LRRN3: variants seen among roughly 807,000 people sequenced by gnomAD.
The protein encoded by LRRN3 is leucine-rich repeat neuronal protein 3.
In LRRN3, 15 loss-of-function variants were observed where a neutral mutation model predicts 40.1. The ratio of observed to expected loss-of-function variants is 0.37; its 90% CI spans 0.25 to 0.58. The LOEUF (loss-of-function observed/expected upper bound fraction) is 0.58. LRRN3 is among the 20% of genes least tolerant of loss of function. The pLI is 0.72. For missense variants in LRRN3, 746 were observed against 837.7 expected (o/e 0.89, Z 1.35); for synonymous variants, 308 against 297.2 (o/e 1.04, Z -0.37).
chr7:111,091,245 G>A lies in LRRN3; in HGVS notation c.-700G>A, dbSNP rs928431602. The A allele has an allele frequency of 3.9e-5, 6 of 152,310 alleles. No homozygotes were observed. Among genetic ancestry groups the A allele is most frequent in the African/African-American group, 1.4e-4 (6 of 41,572 alleles). The allele number at this position is 152,310 out of a possible 1,614,324, so 9.4% of individuals were successfully genotyped here. Reference sequence around the variant, plus strand: ...GATTGAGAGCCTCAGCCTGCCGACTGAGAAAAAGAGTTCCAGGAAAAAGAA... The same window carrying A: ...GATTGAGAGCCTCAGCCTGCCGACTAAGAAAAAGAGTTCCAGGAAAAAGAA... On this transcript the variant is annotated 5_prime_UTR_variant, in exon 1 of 3. Transcript: ENST00000308478.
At chr7:111,094,582 A>G (rs971771716) in intron 1 of LRRN3, among the ~76,000 whole-genome samples, 2 of 152,144 alleles carry the variant, frequency 1.3e-5, no homozygotes, top group Non-Finnish European at 2.9e-5. Flanking sequence ...ACATCAGTAC[A>G]TCTTGTCAGT....
chr7:111,108,822 A>T (rs1028632391), intron 2 of LRRN3, among the ~76,000 whole-genome samples: 7 of 152,126 alleles, frequency 4.6e-5, no homozygotes, highest in South Asian at 2.1e-4. Context: ...CGTACAGCAA[A>T]TTTTTTTAAA....
At position 111,124,301 on chromosome 7, in the gene LRRN3, T is replaced by A; in HGVS notation, c.1529T>A (p.Met510Lys). ...GTTGGCGCTGACTTGAAGTCTGTTA[T>A]GATCAAAGTGGATGGATCTTTTCCA... ...NLVGADLKSV[M>K]IKVDGSFPQD... is the part of the protein sequence containing the mutation. The change falls in exon 3 of 3, where the codon ATG becomes AAG. Residue 510 changes from methionine (M) to lysine (K), a missense_variant. Physicochemically the swap from Met to Lys is moderately conservative, Grantham distance 95 (BLOSUM62 -1). Coordinates refer to ENST00000308478, the MANE Select transcript of LRRN3 (RefSeq NM_001099658.2). 6.2e-7 allele frequency: 1 copy of A among 1,613,950 alleles called. No homozygotes were observed. The highest frequency in any genetic ancestry group is 8.5e-7 in the Non-Finnish European group (1 of 1,179,930).
chr7:111,106,361 T>C (rs1024832801), intron 2 of LRRN3, among the ~76,000 whole-genome samples: 5 of 151,952 alleles, frequency 3.3e-5, no homozygotes, highest in African/African-American at 1.2e-4. Context: ...AAGGTCAACT[T>C]TTTTGAAGGA....
At chr7:111,103,426 AT>A (rs754104653) in intron 2 of LRRN3, among the ~76,000 whole-genome samples, 2 of 151,644 alleles carry the variant, frequency 1.3e-5, no homozygotes, top group Admixed American at 6.6e-5. Flanking sequence ...CTTTCCAAGG[AT>A]TTTTTCTTCT....
intron 2 of LRRN3, among the ~76,000 whole-genome samples, chr7:111,106,269 T>C (rs190791599): frequency 2.0e-5 from 3 of 152,036 alleles, no homozygotes; most frequent in East Asian, 1.9e-4. Context: ...TGTGGAACAA[T>C]TGAAGCACAA....
At chr7:111,093,657 G>A (rs1438749305) in intron 1 of LRRN3, among the ~76,000 whole-genome samples, 1 of 152,136 alleles carries the variant, frequency 6.6e-6, no homozygotes, top group African/African-American at 2.4e-5. Flanking sequence ...ACAGAGATCA[G>A]TAATGTGCCC....
At chr7:111,111,289 G>A in intron 2 of LRRN3, among the ~76,000 whole-genome samples, 1 of 142,610 alleles carries the variant, frequency 7.0e-6, no homozygotes, top group Non-Finnish European at 1.5e-5. Context: ...CTCTTCATGG[G>A]TAGCAGTTGT....
At chr7:111,108,148 A>T (rs1463631997) in intron 2 of LRRN3, among the ~76,000 whole-genome samples, 1 of 148,522 alleles carries the variant, frequency 6.7e-6, no homozygotes, top group Non-Finnish European at 1.5e-5. Context: ...GGAGACAAAA[A>T]CCTCACAGAT....
chr7:111,109,700 G>T (rs550415912), intron 2 of LRRN3, among the ~76,000 whole-genome samples: 117 of 152,208 alleles, frequency 7.7e-4, no homozygotes, highest in African/African-American at 2.6e-3. Context: ...GATTATTAGG[G>T]GAATCAGATA....
Position 111,091,330 on chromosome 7 carries a change from C to A in LRRN3, c.-615C>A, listed in dbSNP as rs777156878. On this transcript the variant is annotated 5_prime_UTR_variant, in exon 1 of 3. Transcript: ENST00000308478. ...ATTTTAAAATAGAGAGATAAGATTG[C>A]GTGCATGTGTGCATATCTATAGTAT... The A allele has an allele frequency of 6.6e-6, 1 of 152,100 alleles. No homozygotes were observed. The highest frequency in any genetic ancestry group is 2.4e-5 in the African/African-American group (1 of 41,428). The allele number at this position is 152,100 out of a possible 1,614,324, so 9.4% of individuals were successfully genotyped here.
intron 2 of LRRN3, among the ~76,000 whole-genome samples, chr7:111,111,299 TAAAAAAA>T (rs751990466): frequency 2.2e-5 from 2 of 92,282 alleles, no homozygotes; most frequent in East Asian, 2.9e-4. Context: ...GTAGCAGTTG[TAAAAAAA>T]AAAAAAAAAA....
chr7:111,105,175 G>A (rs1798408727), intron 2 of LRRN3, among the ~76,000 whole-genome samples: 1 of 151,758 alleles, frequency 6.6e-6, no homozygotes, highest in African/African-American at 2.4e-5. Context: ...CCTTTGAAGT[G>A]CCCTTTAAAA....
rs1203219913 is a variant in LRRN3, at chr7:111,123,818, TG to T, written c.1047del (p.Tyr350ThrfsTer30). On this transcript the variant is annotated frameshift_variant, in exon 3 of 3. Coordinates refer to ENST00000308478, the MANE Select transcript of LRRN3 (RefSeq NM_001099658.2). LOFTEE classifies it high-confidence loss of function. This position sits in a 1 kb window ranked among gnomAD's most constrained non-coding sequence, Gnocchi z 6.4. ...CTGAACAGCAATGCTCTCAGTGCCC[TG>T]TACCATGGTACCATTGAGTCTCTGC... Reference protein sequence around the residue: ...LMLNSNALSALYHGTIESLPN... With the variant: ...LMLNSNALSAXYHGTIESLPN... 1 of 1,613,916 alleles carries T rather than the reference TG, an allele frequency of 6.2e-7. No homozygotes were observed. Among genetic ancestry groups the T allele is most frequent in the Non-Finnish European group, 8.5e-7 (1 of 1,179,970 alleles).
intron 2 of LRRN3, among the ~76,000 whole-genome samples, chr7:111,103,249 T>C (rs557252184): frequency 6.6e-6 from 1 of 151,748 alleles, no homozygotes; most frequent in East Asian, 1.9e-4. Flanking sequence ...GGTTAATAAT[T>C]GTACTTCTTT....
At chr7:111,093,488 A>G (rs2129578179) in intron 1 of LRRN3, among the ~76,000 whole-genome samples, 1 of 152,262 alleles carries the variant, frequency 6.6e-6, no homozygotes, top group African/African-American at 2.4e-5. Flanking sequence ...TGCAGTATTT[A>G]ATTCAGTTTT....
At chr7:111,115,861 G>C (rs1313025311) in intron 2 of LRRN3, among the ~76,000 whole-genome samples, 1 of 151,934 alleles carries the variant, frequency 6.6e-6, no homozygotes, top group African/African-American at 2.4e-5. Context: ...ATTTTTACTA[G>C]AGACTGGGTT....
Position 111,124,185 on chromosome 7 carries a change from C to G in LRRN3, c.1413C>G (p.Asp471Glu). The part of the protein sequence containing the change: ...GQKLLPNTLT[D>E]KFYVHSEGTL... ...AACTCTTGCCTAATACCCTGACAGA[C>G]AAGTTCTATGTCCATTCTGAGGGAA... Residue 471 changes from aspartate to glutamate, a missense_variant, in exon 3 of 3, where the codon GAC (aspartate) becomes GAG (glutamate). Physicochemically the swap from Asp to Glu is conservative, Grantham distance 45. Coordinates refer to ENST00000308478, the MANE Select transcript of LRRN3 (RefSeq NM_001099658.2). 1 of 1,613,884 alleles carries G rather than the reference C, an allele frequency of 6.2e-7. No homozygotes were observed. The highest frequency in any genetic ancestry group is 1.1e-5 in the South Asian group (1 of 91,050).
chr7:111,098,220 T>C (rs997038638), intron 1 of LRRN3, among the ~76,000 whole-genome samples: 4 of 151,798 alleles, frequency 2.6e-5, no homozygotes, highest in Admixed American at 6.6e-5. Context: ...ACCAAACACA[T>C]AGTTTATATT....
Sources: gnomAD v4.1 joint callset for allele counts (sites outside exome capture counted in the v4.1 genomes callset) on GRCh38, gnomAD v4.1.1 for gene constraint, Gnocchi (gnomAD v3.1) non-coding constraint, MANE v1.5 for transcripts, NCBI Gene and HGNC (gene_info 2026-07-23, HGNC 2026-07-21) for gene names.